Variants in MROH2A observed in about 807,000 individuals in gnomAD.
MROH2A encodes maestro heat-like repeat-containing protein family member 2A.
Under a neutral mutation model 200.4 loss-of-function variants are expected in MROH2A, and 174 were observed. The observed-to-expected ratio is 0.87, with a 90% confidence interval of 0.77 to 0.98. The LOEUF (loss-of-function observed/expected upper bound fraction) is 0.98, where lower values mean the gene tolerates loss of function less well. Ranked by LOEUF, MROH2A falls within the 50% of genes least tolerant of loss-of-function variation. The pLI is 0.00. For synonymous variants in MROH2A, 829 were observed against 840.4 expected (o/e 0.99, Z 0.23); for missense variants, 2,045 against 2,139.6 (o/e 0.96, Z 0.87).
intron 10 of MROH2A, 42 bp from the exon 11 acceptor site, chr2:233,796,158 G>C: frequency 6.6e-7 from 1 of 1,525,370 alleles, no homozygotes; most frequent in Non-Finnish European, 8.9e-7. Context: ...GGCCTGCTCT[G>C]GACCCGGTGA....
chr2:233,826,373 T>C (rs1408969030), intron 35 of MROH2A, among the ~76,000 whole-genome samples: 1 of 152,120 alleles, frequency 6.6e-6, no homozygotes, highest in Non-Finnish European at 1.5e-5. Context: ...CAAAAACAGA[T>C]ACACAGACCA....
At position 233,807,678 on chromosome 2, in the gene MROH2A, C is replaced by T; in HGVS notation, c.2173-55C>T. 1.9e-6 allele frequency: 3 copies of T among 1,549,550 alleles called. No individual in the cohort carries two copies. The highest frequency in any genetic ancestry group is 2.6e-6 in the Non-Finnish European group (3 of 1,146,476). ...TGCCTTGCACGTGTGTGTGTGGGAT[C>T]CTCCTCTGCCCACTGGCCCCTGCCC... is the stretch of plus-strand genomic sequence containing the variant. On this transcript the variant is annotated intron_variant, in intron 20 of 41. Transcript: ENST00000389758. The surrounding 1 kb of genome is among the most constrained non-coding windows in gnomAD (Gnocchi z 4.3).
Position 233,831,407 on chromosome 2 carries a change from A to G in MROH2A, c.4603-2A>G. 1 of 1,548,254 alleles carries G rather than the reference A, an allele frequency of 6.5e-7. No homozygotes were observed. On this transcript the variant is annotated splice_acceptor_variant, in intron 38 of 41. Transcript: ENST00000389758. LOFTEE classifies it high-confidence loss of function. ...CTCTGCTGCCGTCCTGTGTCCCTGC[A>G]GGCCTGTATGGCTACCATGTTTCAG... is the stretch of plus-strand genomic sequence containing the variant.
rs868562574 is a variant in MROH2A, at chr2:233,787,812, T to C, written c.277-1685T>C. Among the ~76,000 whole-genome samples the C allele has an allele frequency of 5.9e-3, 23 of 3,906 alleles. 6 individuals are homozygous for C. Among genetic ancestry groups the C allele is most frequent in the African/African-American group, 0.02 (12 of 614 alleles). 2.6% of individuals were successfully genotyped at this position (3,906 alleles called of 152,430 possible). A position where few individuals can be genotyped will look rare whatever the true frequency, so the allele number is the denominator to read the frequency against. On this transcript the variant is annotated intron_variant, in intron 3 of 41. Coordinates refer to ENST00000389758, the MANE Select transcript of MROH2A (RefSeq NM_001394639.1). ...CATATATAATATATATTATATATATTATATATAATATATATTATATATACA... is the reference window on the plus strand; with the variant it reads ...CATATATAATATATATTATATATATCATATATAATATATATTATATATACA...
At position 233,789,965 on chromosome 2, in the gene MROH2A, C is replaced by G. The variant is rs1388083755; in HGVS notation, c.522C>G (p.Leu174=). The G allele has an allele frequency of 6.4e-7, 1 of 1,550,506 alleles. No individual in the cohort carries two copies. Among genetic ancestry groups the G allele is most frequent in the Non-Finnish European group, 8.7e-7 (1 of 1,146,932 alleles). The change falls in exon 5 of 42, where the codon CTC becomes CTG. Residue 174 remains leucine, a synonymous_variant. Transcript: ENST00000389758. ...AGCACCACCTCAAGCCCCTCAACCT[C>G]ACTGATGAATTTGTCATCATCACAC... ...ELQHHLKPLN[L]TDEFVIITLA... is the part of the protein sequence containing the mutation.
chr2:233,815,458 C>A (rs1205367330), intron 26 of MROH2A, among the ~76,000 whole-genome samples: 1 of 152,234 alleles, frequency 6.6e-6, no homozygotes, highest in South Asian at 2.1e-4. Flanking sequence ...CTTTTGGTGT[C>A]AAATCTAAGA....
intron 37 of MROH2A, 66 bp from the exon 38 acceptor site, chr2:233,829,554 G>C: frequency 1.5e-6 from 2 of 1,342,208 alleles, no homozygotes; most frequent in African/African-American, 1.5e-5. Flanking sequence ...ATTCCTTGGA[G>C]AATGGCTGGG....
Position 233,788,135 on chromosome 2 carries a change from A to T in MROH2A, c.277-1362A>T, listed in dbSNP as rs1301595731. Among the ~76,000 whole-genome samples, 18 of 109,090 alleles carry T rather than the reference A, an allele frequency of 1.7e-4. No homozygotes were observed. The East Asian group carries it at 1.8e-3, about 11-fold the overall frequency. The allele number at this position is 109,090 out of a possible 152,430, so 71.6% of individuals were successfully genotyped here. A position where few individuals can be genotyped will look rare whatever the true frequency, so the allele number is the denominator to read the frequency against. Reference sequence around the variant, plus strand: ...TATATTATATATACATATATATTTTATATATATATAATATATATTTTATAT... The same window carrying T: ...TATATTATATATACATATATATTTTTTATATATATAATATATATTTTATAT... On this transcript the variant is annotated intron_variant, in intron 3 of 41. Coordinates refer to ENST00000389758, the MANE Select transcript of MROH2A (RefSeq NM_001394639.1).
At chr2:233,805,243 G>A (rs1559461049) in intron 19 of MROH2A, 132 bp downstream of exon 19, 3 of 586,106 alleles carry the variant, frequency 5.1e-6, no homozygotes, top group Non-Finnish European at 8.7e-6. Context: ...GAGGAGAGGA[G>A]CGTGGTCTGG....
intron 17 of MROH2A, 138 bp from the exon 18 acceptor site, chr2:233,804,357 G>A (rs1195500534): frequency 7.6e-7 from 1 of 1,312,614 alleles, no homozygotes; most frequent in Non-Finnish European, 1.1e-6. Context: ...AAGGTGAGGA[G>A]TGCAATGCAA....
At chr2:233,784,890 C>T (rs1394868076) in intron 3 of MROH2A, among the ~76,000 whole-genome samples, 1 of 152,104 alleles carries the variant, frequency 6.6e-6, no homozygotes, top group African/African-American at 2.4e-5. Flanking sequence ...TGGCTCATGC[C>T]ACTTTGGGAG....
Position 233,804,090 on chromosome 2 carries a change from A to C in MROH2A, c.1789A>C (p.Ile597Leu). The change falls in exon 17 of 42, where the codon ATA becomes CTA. Residue 597 changes from isoleucine to leucine, a missense_variant. By Grantham distance (5) the Ile-to-Leu change is conservative. Coordinates refer to ENST00000389758, the MANE Select transcript of MROH2A (RefSeq NM_001394639.1). ...SSPYKGEGRG[I>L]AMLNLLRTLS... is the part of the protein sequence containing the mutation. ...ACCTTACAAGGGGGAGGGTCGTGGG[A>C]TAGCCATGCTCAACCTCTTGAGGAC... is the stretch of plus-strand genomic sequence containing the variant. The C allele has an allele frequency of 6.4e-7, 1 of 1,550,510 alleles. No individual in the cohort carries two copies. The highest frequency in any genetic ancestry group is 8.7e-7 in the Non-Finnish European group (1 of 1,146,978).
intron 8 of MROH2A, among the ~76,000 whole-genome samples, chr2:233,795,280 A>G (rs369629026): frequency 2.6e-5 from 4 of 152,270 alleles, no homozygotes; most frequent in Non-Finnish European, 2.9e-5. Flanking sequence ...TCACTCATCT[A>G]TAAGGAGGGT....
intron 11 of MROH2A, among the ~76,000 whole-genome samples, chr2:233,796,964 C>T (rs1702153396): frequency 1.3e-5 from 2 of 152,186 alleles, no homozygotes; most frequent in Admixed American, 1.3e-4. Flanking sequence ...TCCTTTTTAC[C>T]TATTCAATGA....
chr2:233,829,771 C>A lies in MROH2A; in HGVS notation c.4598C>A (p.Ala1533Asp). 1 of 1,369,648 alleles carries A rather than the reference C, an allele frequency of 7.3e-7. No homozygotes were observed. The highest frequency in any genetic ancestry group is 9.5e-7 in the Non-Finnish European group (1 of 1,054,762). 84.8% of individuals were successfully genotyped at this position (1,369,648 alleles called of 1,614,324 possible). Residue 1533 changes from alanine (A) to aspartate (D), a missense_variant, in exon 38 of 42, where the codon GCC (alanine) becomes GAC (aspartate). Coordinates refer to ENST00000389758, the MANE Select transcript of MROH2A (RefSeq NM_001394639.1). ...TCCCAGGACCCCTGCTCCAATGCAG[C>A]CCAAGTAAGATACATCCTGGGCTTT... The part of the protein sequence containing the change: ...LHSQDPCSNA[A>D]QACMATMFQC...
At position 233,806,409 on chromosome 2, in the gene MROH2A, A is replaced by G. The variant is rs779743791; in HGVS notation, c.2053-1014A>G. 7.9e-5 allele frequency among the ~76,000 whole-genome samples: 12 copies of G among 152,154 alleles called. 1 individual carries two copies. The highest frequency in any genetic ancestry group is 7.9e-4 in the Admixed American group (12 of 15,270). On this transcript the variant is annotated intron_variant, in intron 19 of 41. Transcript: ENST00000389758. ...AGTCGTGGTGAGGATTTAATGAAAT[A>G]TGGATGGTTGCTCTTATTATGTCTC... is the stretch of plus-strand genomic sequence containing the variant.
Position 233,802,753 on chromosome 2 carries a change from T to C in MROH2A, c.1708+438T>C, listed in dbSNP as rs61415915. ...GTTAACACCAGGCTCTCAAAACAAC[T>C]ATGCCCACCTACCATGCTTGCTCCT... On this transcript the variant is annotated intron_variant, in intron 15 of 41. Coordinates refer to ENST00000389758, the MANE Select transcript of MROH2A (RefSeq NM_001394639.1). Among the ~76,000 whole-genome samples, 1,463 of 152,300 alleles carry C rather than the reference T, an allele frequency of 9.6e-3. 24 individuals are homozygous for C. The highest frequency in any genetic ancestry group is 0.034 in the African/African-American group (1,395 of 41,572).
chr2:233,806,698 T>A (rs1702811890), intron 19 of MROH2A, among the ~76,000 whole-genome samples: 1 of 152,156 alleles, frequency 6.6e-6, no homozygotes, highest in African/African-American at 2.4e-5. Context: ...TACACAGAAG[T>A]TGAACAAACT....
At chr2:233,800,349 C>T (rs749029068) in intron 14 of MROH2A, 34 bp downstream of exon 14, 2 of 1,304,882 alleles carry the variant, frequency 1.5e-6, no homozygotes, top group South Asian at 2.7e-5. Context: ...CACAGTGGGT[C>T]ACCACGCCAG....
Sources: gnomAD v4.1 joint callset for allele counts (sites outside exome capture counted in the v4.1 genomes callset) on GRCh38, gnomAD v4.1.1 for gene constraint, Gnocchi (gnomAD v3.1) non-coding constraint, MANE v1.5 for transcripts, NCBI Gene and HGNC (gene_info 2026-07-23, HGNC 2026-07-21) for gene names.